CACNB2: variants seen among roughly 807,000 people sequenced by gnomAD.
CACNB2 encodes voltage-dependent L-type calcium channel subunit beta-2.
A neutral mutation model predicts 73.3 loss-of-function variants in CACNB2; 42 were observed. The observed-to-expected ratio is 0.57, with a 90% CI of 0.45 to 0.74. CACNB2 has a LOEUF of 0.74. Ranked by LOEUF, CACNB2 falls within the 30% of genes least tolerant of loss-of-function variation. The pLI, the probability that CACNB2 is intolerant of heterozygous loss-of-function variation, is 0.00. For synonymous variants in CACNB2, 348 were observed against 310.3 expected (o/e 1.12, Z -1.28); for missense variants, 940 against 853.0 (o/e 1.10, Z -1.27).
intron 3 of CACNB2, among the ~76,000 whole-genome samples, chr10:18,466,970 A>G (rs956896076): frequency 4.6e-5 from 7 of 152,142 alleles, no homozygotes; most frequent in African/African-American, 1.7e-4. Flanking sequence ...CCTGGCCAAC[A>G]TGGTGAAATC....
intron 2 of CACNB2, among the ~76,000 whole-genome samples, chr10:18,262,804 A>G (rs1481425979): frequency 2.0e-5 from 3 of 152,174 alleles, no homozygotes; most frequent in Admixed American, 1.3e-4. Flanking sequence ...AAAATTCTGA[A>G]ATAAGGCCTC....
rs538273791 is a variant in CACNB2, at chr10:18,348,908, C to T, written c.214-53016C>T. Among the ~76,000 whole-genome samples, 3 of 152,240 alleles carry T rather than the reference C, an allele frequency of 2.0e-5. No homozygotes were observed. In the South Asian group the frequency reaches 6.2e-4, roughly 32 times the overall value. On this transcript the variant is annotated intron_variant, in intron 2 of 13. Coordinates refer to ENST00000324631, the MANE Select transcript of CACNB2 (RefSeq NM_201596.3). ...CCAAGGTGGGAAGATCGTTTGAGCT[C>T]AGGAGTTTGAGACCAGCCTGGGCAA...
intron 6 of CACNB2, among the ~76,000 whole-genome samples, chr10:18,511,196 G>A (rs11014577): frequency 3.9e-5 from 6 of 151,906 alleles, no homozygotes; most frequent in Non-Finnish European, 8.8e-5. Flanking sequence ...TTAGGTCTAC[G>A]TAATTAGGAC....
intron 2 of CACNB2, among the ~76,000 whole-genome samples, chr10:18,315,498 T>TA (rs2040133539): frequency 3.1e-5 from 1 of 31,796 alleles, no homozygotes; most frequent in African/African-American, 1.3e-4. Context: ...TTGTCTCTAT[T>TA]TAAAAAAAAA....
intron 2 of CACNB2, among the ~76,000 whole-genome samples, chr10:18,172,025 T>C (rs2033279390): frequency 6.6e-6 from 1 of 152,112 alleles, no homozygotes; most frequent in Non-Finnish European, 1.5e-5. Context: ...GTAGAAAGTC[T>C]AGGACCGTGC....
chr10:18,369,649 G>A (rs2042495509), intron 2 of CACNB2, among the ~76,000 whole-genome samples: 1 of 152,200 alleles, frequency 6.6e-6, no homozygotes. Context: ...TTTCACACCT[G>A]TAATCCCAGC....
At chr10:18,143,824 A>G (rs529625677) in intron 1 of CACNB2, among the ~76,000 whole-genome samples, 1 of 152,202 alleles carries the variant, frequency 6.6e-6, no homozygotes. Context: ...CTATTTACAA[A>G]TGGAACCTCT....
intron 2 of CACNB2, among the ~76,000 whole-genome samples, chr10:18,189,152 A>C (rs2034286068): frequency 6.6e-6 from 1 of 152,146 alleles, no homozygotes; most frequent in Non-Finnish European, 1.5e-5. Flanking sequence ...TTTTAAAAAA[A>C]AATTCCTCAA....
chr10:18,273,021 G>T (rs1274801427), intron 2 of CACNB2, among the ~76,000 whole-genome samples: 5 of 152,158 alleles, frequency 3.3e-5, no homozygotes, highest in African/African-American at 1.2e-4. Flanking sequence ...ATCTCTCAAT[G>T]TGACTTCATT....
chr10:18,394,682 G>C (rs890360049), intron 2 of CACNB2, among the ~76,000 whole-genome samples: 3 of 152,110 alleles, frequency 2.0e-5, no homozygotes, highest in African/African-American at 7.2e-5. Context: ...TAAAAATGAA[G>C]ATAATCGAAA....
chr10:18,522,998 C>G (rs1460756425), intron 9 of CACNB2, among the ~76,000 whole-genome samples: 1 of 149,624 alleles, frequency 6.7e-6, no homozygotes, highest in Non-Finnish European at 1.5e-5. Context: ...ACTTTATAAT[C>G]AAGGTCTTCT....
intron 9 of CACNB2, among the ~76,000 whole-genome samples, chr10:18,519,268 G>A (rs1480916924): frequency 2.0e-5 from 3 of 152,052 alleles, no homozygotes; most frequent in African/African-American, 4.8e-5. Context: ...CCCAGGCATC[G>A]CACTAAATAT....
At chr10:18,409,609 T>C (rs2044502593) in intron 3 of CACNB2, among the ~76,000 whole-genome samples, 1 of 152,212 alleles carries the variant, frequency 6.6e-6, no homozygotes, top group South Asian at 2.1e-4. Flanking sequence ...CATCTATTCA[T>C]AATTAAGAGG....
At chr10:18,340,979 T>G (rs755739670) in intron 2 of CACNB2, 1 of 1,614,030 alleles carries the variant, frequency 6.2e-7, no homozygotes. Context: ...ATTCCTGGGG[T>G]AAGCATACGG....
At chr10:18,205,533 G>A (rs1421653721) in intron 2 of CACNB2, among the ~76,000 whole-genome samples, 1 of 152,072 alleles carries the variant, frequency 6.6e-6, no homozygotes, top group Non-Finnish European at 1.5e-5. Flanking sequence ...TTTCCACTGG[G>A]TGAGCACATT....
intron 3 of CACNB2, among the ~76,000 whole-genome samples, chr10:18,493,205 GTTGCC>G (rs1191841944): frequency 1.3e-5 from 2 of 152,198 alleles, no homozygotes; most frequent in Admixed American, 1.3e-4. Context: ...GTCTCGCTCT[GTTGCC>G]CAGGCTAGAG....
intron 4 of CACNB2, 119 bp from the exon 5 acceptor site, chr10:18,500,693 T>C: frequency 2.0e-6 from 2 of 1,017,458 alleles, no homozygotes; most frequent in Non-Finnish European, 3.0e-6. Context: ...TCTTGAATGA[T>C]AATATTTAAG....
chr10:18,307,983 C>CATTTTTTTTTTTT (rs1356604464), intron 2 of CACNB2, among the ~76,000 whole-genome samples: 6 of 70,242 alleles, frequency 8.5e-5, no homozygotes, highest in Admixed American at 1.9e-4. Flanking sequence ...TATATGCCAA[C>CATTTTTTTTTTTT]TTTTTTTTTT....
intron 4 of CACNB2, chr10:18,498,718 A>G (rs1426415939): frequency 2.0e-6 from 1 of 496,498 alleles, no homozygotes; most frequent in East Asian, 3.8e-5. Flanking sequence ...TGGCCCAGAA[A>G]TTGGGAACTG....
Sources: allele counts gnomAD v4.1 joint callset (sites outside exome capture counted in the v4.1 genomes callset), GRCh38; gene constraint gnomAD v4.1.1; transcripts MANE v1.5; gene names NCBI Gene and HGNC (gene_info 2026-07-23, HGNC 2026-07-21).